BNC2: variants seen among roughly 807,000 people sequenced by gnomAD.
The protein encoded by BNC2 is zinc finger protein basonuclin-2.
In BNC2, 20 loss-of-function variants were observed where a neutral mutation model predicts 76.3. The ratio of observed to expected loss-of-function variants is 0.26; its 90% CI spans 0.18 to 0.38. BNC2 has a LOEUF of 0.38. Ranked by LOEUF, BNC2 falls within the 10% of genes least tolerant of loss-of-function variation. BNC2 has a pLI of 1.00. For synonymous variants in BNC2, 582 were observed against 514.8 expected (o/e 1.13, Z -1.77); for missense variants, 1,382 against 1,399.8 (o/e 0.99, Z 0.20).
At chr9:16,647,235 C>A (rs1232035809) in intron 3 of BNC2, among the ~76,000 whole-genome samples, 2 of 152,100 alleles carry the variant, frequency 1.3e-5, no homozygotes, top group African/African-American at 4.8e-5. Context: ...TTGCAACTTG[C>A]TGACTCGGGT....
chr9:16,590,699 C>T (rs141843112), intron 3 of BNC2, among the ~76,000 whole-genome samples: 14 of 151,924 alleles, frequency 9.2e-5, no homozygotes, highest in East Asian at 2.0e-4. Flanking sequence ...TCTAGCTACG[C>T]GGGAGGCTGA....
At chr9:16,674,217 A>G (rs1822568791) in intron 3 of BNC2, among the ~76,000 whole-genome samples, 1 of 152,202 alleles carries the variant, frequency 6.6e-6, no homozygotes, top group Non-Finnish European at 1.5e-5. Flanking sequence ...GAGGGTCTGG[A>G]TAAAATTTTT....
At chr9:16,672,361 G>T (rs753614026) in intron 3 of BNC2, among the ~76,000 whole-genome samples, 36 of 152,288 alleles carry the variant, frequency 2.4e-4, no homozygotes, top group Non-Finnish European at 4.1e-4. Flanking sequence ...GCTGGGCATG[G>T]TGGCGGGCAC....
chr9:16,544,154 C>T (rs1587151417), intron 5 of BNC2, among the ~76,000 whole-genome samples: 2 of 152,230 alleles, frequency 1.3e-5, no homozygotes, highest in East Asian at 3.9e-4. Context: ...TATAATACAA[C>T]TTTCCATCAT....
intron 4 of BNC2, among the ~76,000 whole-genome samples, chr9:16,568,508 C>T (rs1819228662): frequency 6.6e-6 from 1 of 152,054 alleles, no homozygotes; most frequent in South Asian, 2.1e-4. Flanking sequence ...TATGTCATTT[C>T]AATGTACCTA....
chr9:16,675,184 G>T (rs915540204), intron 3 of BNC2, among the ~76,000 whole-genome samples: 1 of 152,006 alleles, frequency 6.6e-6, no homozygotes, highest in Non-Finnish European at 1.5e-5. Context: ...CTTTCCTGAG[G>T]TCTAACTGAT....
chr9:16,636,308 T>C (rs1442946969), intron 3 of BNC2, among the ~76,000 whole-genome samples: 1 of 152,042 alleles, frequency 6.6e-6, no homozygotes, highest in African/African-American at 2.4e-5. Flanking sequence ...GTGAAGACTT[T>C]CTTTTTTTTT....
intron 6 of BNC2, chr9:16,434,748 T>C (rs765281001): frequency 1.1e-5 from 5 of 441,198 alleles, no homozygotes; most frequent in African/African-American, 2.0e-5. Flanking sequence ...TGCAACTACA[T>C]AGCAAGAGTG....
rs1819843214 is a variant in BNC2 at position 16,588,910 on chromosome 9, A to T, written c.331-5825T>A. On this transcript the variant is annotated intron_variant, in intron 3 of 6. Coordinates refer to ENST00000380672, the MANE Select transcript of BNC2 (RefSeq NM_017637.6). ...GGTACTTCACAAAAGAACTACACAC[A>T]AGGCTAACTGATAAAACTCCTATTA... is the stretch of plus-strand genomic sequence containing the variant. 3.3e-5 allele frequency among the ~76,000 whole-genome samples: 5 copies of T among 152,216 alleles called. No homozygotes were observed. In the South Asian group the frequency reaches 1.0e-3, roughly 31 times the overall value.
intron 1 of BNC2, among the ~76,000 whole-genome samples, chr9:16,767,132 A>T (rs1427778423): frequency 2.0e-5 from 3 of 152,220 alleles, no homozygotes; most frequent in Non-Finnish European, 4.4e-5. Context: ...AGTGAGGGAG[A>T]GGGATGAAAT....
At chr9:16,807,767 C>A (rs1015571504) in intron 1 of BNC2, among the ~76,000 whole-genome samples, 4 of 152,080 alleles carry the variant, frequency 2.6e-5, no homozygotes, top group African/African-American at 9.7e-5. Flanking sequence ...TAAAAAATTC[C>A]AGTTAGAAAG....
intron 3 of BNC2, among the ~76,000 whole-genome samples, chr9:16,591,218 G>A (rs1405642231): frequency 5.9e-5 from 9 of 152,082 alleles, no homozygotes; most frequent in African/African-American, 2.2e-4. Flanking sequence ...TTTCTTGCAC[G>A]GTGGACAACT....
intron 1 of BNC2, among the ~76,000 whole-genome samples, chr9:16,742,058 T>C (rs922422099): frequency 1.3e-5 from 2 of 151,986 alleles, no homozygotes; most frequent in African/African-American, 4.8e-5. Flanking sequence ...TAGTGTATAG[T>C]TCTTATGAAG....
chr9:16,813,183 G>C (rs999209805), intron 1 of BNC2, among the ~76,000 whole-genome samples: 3 of 152,058 alleles, frequency 2.0e-5, no homozygotes, highest in Admixed American at 1.3e-4. Flanking sequence ...CGGACAGAGC[G>C]AGACTCCGTC....
At chr9:16,659,158 A>C (rs1332761978) in intron 3 of BNC2, among the ~76,000 whole-genome samples, 1 of 149,712 alleles carries the variant, frequency 6.7e-6, no homozygotes, top group African/African-American at 2.4e-5. Context: ...GGGGGGGGGC[A>C]TGTGAATGCA....
chr9:16,447,022 C>T (rs1821245012), intron 5 of BNC2, among the ~76,000 whole-genome samples: 2 of 152,108 alleles, frequency 1.3e-5, no homozygotes, highest in Non-Finnish European at 2.9e-5. Context: ...TGGAATTGGA[C>T]TTCAAAGATT....
At chr9:16,608,638 T>C (rs1418254496) in intron 3 of BNC2, among the ~76,000 whole-genome samples, 2 of 152,134 alleles carry the variant, frequency 1.3e-5, no homozygotes, top group Non-Finnish European at 2.9e-5. Context: ...CCCAAGTACC[T>C]GGGACCACAG....
At chr9:16,449,841 C>CGGGGGGG (rs543844239) in intron 5 of BNC2, among the ~76,000 whole-genome samples, 2 of 79,654 alleles carry the variant, frequency 2.5e-5, no homozygotes, top group African/African-American at 5.7e-5. Context: ...AAAGGTGGGG[C>CGGGGGGG]GGGGGGGGAG....
chr9:16,801,146 T>C (rs985546504), intron 1 of BNC2, among the ~76,000 whole-genome samples: 10 of 152,218 alleles, frequency 6.6e-5, no homozygotes, highest in African/African-American at 2.4e-4. Context: ...TTCTGATTTC[T>C]TCCTCCTTTT....
Sources: gnomAD v4.1 joint callset for allele counts (sites outside exome capture counted in the v4.1 genomes callset) on GRCh38, gnomAD v4.1.1 for gene constraint, MANE v1.5 for transcripts, NCBI Gene and HGNC (gene_info 2026-07-23, HGNC 2026-07-21) for gene names.